The following ARHGAP21 variants were observed in gnomAD, a reference collection of about 807,000 sequenced individuals.
ARHGAP21 encodes Rho GTPase activating protein 21.
Under a neutral mutation model 164.6 loss-of-function variants are expected in ARHGAP21, and 38 were observed. The observed-to-expected ratio is 0.23, with a 90% CI of 0.18 to 0.30. The LOEUF is 0.30. Among genes scored for constraint, ARHGAP21 ranks in the 10% least tolerant of loss-of-function variants. The probability of loss-of-function intolerance (pLI) is 1.00; values close to 1 mark genes in which losing one functional copy is unlikely to be tolerated. For missense variants in ARHGAP21, 1,822 were observed against 2,370.7 expected (o/e 0.77, Z 4.81); for synonymous variants, 766 against 857.9 (o/e 0.89, Z 1.87).
intron 4 of ARHGAP21, among the ~76,000 whole-genome samples, chr10:24,653,889 G>A (rs751256402): frequency 6.6e-6 from 1 of 152,072 alleles, no homozygotes; most frequent in Non-Finnish European, 1.5e-5. Flanking sequence ...AAACTTTTGT[G>A]CAGCAAAGGA....
chr10:24,613,672 G>A (rs978984140), intron 9 of ARHGAP21, among the ~76,000 whole-genome samples: 4 of 152,320 alleles, frequency 2.6e-5, no homozygotes, highest in South Asian at 2.1e-4. Flanking sequence ...CAGTGCTGAC[G>A]ATGAGGGAGT....
chr10:24,643,725 G>T (rs896053478), intron 4 of ARHGAP21, among the ~76,000 whole-genome samples: 3 of 152,054 alleles, frequency 2.0e-5, no homozygotes, highest in Non-Finnish European at 2.9e-5. Context: ...CTTGTTCTTG[G>T]CCTGCTACTA....
intron 2 of ARHGAP21, among the ~76,000 whole-genome samples, chr10:24,711,960 C>G (rs1486510691): frequency 6.6e-6 from 1 of 151,948 alleles, no homozygotes; most frequent in Non-Finnish European, 1.5e-5. Context: ...GTCACCCAGT[C>G]TGGAGTGCAG....
At chr10:24,622,351 C>T (rs529295361) in intron 8 of ARHGAP21, among the ~76,000 whole-genome samples, 2 of 149,354 alleles carry the variant, frequency 1.3e-5, no homozygotes, top group South Asian at 2.1e-4. Flanking sequence ...TCTTTGCATT[C>T]GACAGCTTGC....
intron 2 of ARHGAP21, among the ~76,000 whole-genome samples, chr10:24,700,911 G>C (rs146177474): frequency 6.6e-6 from 1 of 152,142 alleles, no homozygotes; most frequent in African/African-American, 2.4e-5. Flanking sequence ...CAGAACATCC[G>C]CATTTCTTAC....
At chr10:24,665,985 A>G (rs1840156774) in intron 4 of ARHGAP21, among the ~76,000 whole-genome samples, 2 of 152,186 alleles carry the variant, frequency 1.3e-5, no homozygotes, top group African/African-American at 4.8e-5. Context: ...ACCAATGCTA[A>G]TTGCTTAGTA....
At position 24,597,975 on chromosome 10, in the gene ARHGAP21, C is replaced by T. The variant is rs752564110; in HGVS notation, c.3167G>A (p.Arg1056Gln). 65 of 1,613,142 alleles carry T rather than the reference C, an allele frequency of 4.0e-5. No individual in the cohort carries two copies. Among genetic ancestry groups the T allele is most frequent in the Non-Finnish European group, 5.3e-5 (62 of 1,179,582 alleles). The stretch of plus-strand genomic sequence containing the variant: ...CAGATTGTTGTATTCTTTTATTCTT[C>T]GACTAATTAGATCCCTGTTAGTGAC... ...TGVTNRDLIS[R>Q]RIKEYNNLMS... is the part of the protein sequence containing the mutation. Residue 1056 changes from arginine (R) to glutamine (Q), a missense_variant, in exon 15 of 26, where the codon CGA becomes CAA. This residue lies in a region of ARHGAP21 where 1,090 missense variants were observed against 1,378.9 expected (regional missense o/e 0.79). Transcript: ENST00000396432.
At chr10:24,591,504 A>C in intron 23 of ARHGAP21, 138 bp downstream of exon 23, 1 of 1,200,672 alleles carries the variant, frequency 8.3e-7, no homozygotes, top group East Asian at 2.3e-5. Flanking sequence ...TATTCATTAG[A>C]TCAGAAACTG....
chr10:24,593,971 A>ATC (rs1258956400), intron 21 of ARHGAP21, among the ~76,000 whole-genome samples: 1 of 152,018 alleles, frequency 6.6e-6, no homozygotes, highest in Non-Finnish European at 1.5e-5. Context: ...CAGGTAATAG[A>ATC]GGTTGACACT....
chr10:24,624,337 C>CTTTTTTTTTTTTTTTTTTT (rs565872094), intron 7 of ARHGAP21, among the ~76,000 whole-genome samples: 1 of 102,892 alleles, frequency 9.7e-6, no homozygotes, highest in Non-Finnish European at 1.8e-5. Context: ...TGTTCTAGAA[C>CTTTTTTTTTTTTTTTTTTT]TTTTTTTTTT....
At chr10:24,663,542 A>T (rs1839902015) in intron 4 of ARHGAP21, among the ~76,000 whole-genome samples, 1 of 151,978 alleles carries the variant, frequency 6.6e-6, no homozygotes, top group Non-Finnish European at 1.5e-5. Flanking sequence ...TATTATTATT[A>T]TTTTGAGACA....
intron 2 of ARHGAP21, among the ~76,000 whole-genome samples, chr10:24,707,833 A>C (rs1329072687): frequency 6.6e-6 from 1 of 152,154 alleles, no homozygotes; most frequent in Non-Finnish European, 1.5e-5. Flanking sequence ...GGATTATCAC[A>C]GGGCATCTAG....
intron 9 of ARHGAP21, among the ~76,000 whole-genome samples, chr10:24,612,169 G>A (rs1261492802): frequency 6.6e-6 from 1 of 152,142 alleles, no homozygotes; most frequent in African/African-American, 2.4e-5. Context: ...GACCATGGCA[G>A]AATAATCAGT....
chr10:24,677,092 C>T (rs1841327515), intron 2 of ARHGAP21, among the ~76,000 whole-genome samples: 1 of 152,020 alleles, frequency 6.6e-6, no homozygotes, highest in Non-Finnish European at 1.5e-5. Context: ...TGGTGGTGGG[C>T]ATCTGTAATC....
chr10:24,655,137 T>C (rs969012270), intron 4 of ARHGAP21, among the ~76,000 whole-genome samples: 14 of 152,250 alleles, frequency 9.2e-5, no homozygotes, highest in Non-Finnish European at 1.8e-4. Flanking sequence ...GATTAAAGAC[T>C]TAAATGTTAG....
intron 4 of ARHGAP21, among the ~76,000 whole-genome samples, chr10:24,650,352 C>G (rs1258033686): frequency 2.6e-5 from 4 of 152,008 alleles, no homozygotes; most frequent in African/African-American, 9.7e-5. Flanking sequence ...GAGACCCCAT[C>G]TCTTTAAAAA....
At chr10:24,668,051 T>A (rs550561768) in intron 3 of ARHGAP21, among the ~76,000 whole-genome samples, 1 of 152,336 alleles carries the variant, frequency 6.6e-6, no homozygotes, top group South Asian at 2.1e-4. Context: ...TCAATTTCTA[T>A]GTTAAGTGTG....
In ARHGAP21 at chr10:24,595,769, G is replaced by A; in HGVS notation, c.3660C>T (p.Ser1220=). 1 of 1,613,590 alleles carries A rather than the reference G, an allele frequency of 6.2e-7. No homozygotes were observed. Among genetic ancestry groups the A allele is most frequent in the Non-Finnish European group, 8.5e-7 (1 of 1,179,766 alleles). The change falls in exon 19 of 26, where the codon AGC becomes AGT. Residue 1220 remains serine (S), a synonymous_variant. Coordinates refer to ENST00000396432, the MANE Select transcript of ARHGAP21 (RefSeq NM_020824.4). ...DDKWRDLNVI[S]SLLKSFFRKL... Reference sequence around the variant, plus strand: ...TTCTGAAGAAGGATTTTAGTAAACTGCTTATCACATTCAAATCTCGCCATT... The same window carrying A: ...TTCTGAAGAAGGATTTTAGTAAACTACTTATCACATTCAAATCTCGCCATT...
chr10:24,633,577 G>T, intron 5 of ARHGAP21, 97 bp from the exon 6 acceptor site: 1 of 670,160 alleles, frequency 1.5e-6, no homozygotes, highest in Non-Finnish European at 2.4e-6. Flanking sequence ...TATTTTTAAT[G>T]TCGTATATAT....
Sources: gnomAD v4.1 joint callset for allele counts (sites outside exome capture counted in the v4.1 genomes callset) on GRCh38, gnomAD v4.1.1 for gene constraint, gnomAD v4.1.1 regional missense constraint, MANE v1.5 for transcripts, NCBI Gene and HGNC (gene_info 2026-07-23, HGNC 2026-07-21) for gene names.